MIGA1: variants seen among roughly 807,000 people sequenced by gnomAD.
MIGA1 encodes family with sequence similarity 73, member A.
A neutral mutation model predicts 82.0 loss-of-function variants in MIGA1; 58 were observed. The ratio of observed to expected loss-of-function variants is 0.71; its 90% CI spans 0.57 to 0.88. The LOEUF (loss-of-function observed/expected upper bound fraction) is 0.88. MIGA1 is among the 40% of genes least tolerant of loss of function. MIGA1 has a pLI of 0.00. For synonymous variants in MIGA1, 249 were observed against 253.6 expected (o/e 0.98, Z 0.17); for missense variants, 751 against 749.1 (o/e 1.00, Z -0.03).
intron 8 of MIGA1, among the ~76,000 whole-genome samples, chr1:77,857,142 A>G (rs1183865941): frequency 6.6e-6 from 1 of 152,118 alleles, no homozygotes; most frequent in Non-Finnish European, 1.5e-5. Context: ...CCCAGTGCGC[A>G]TTCAGGAGCA....
chr1:77,806,788 A>G (rs971761105), intron 4 of MIGA1, among the ~76,000 whole-genome samples, 187 bp from the exon 5 acceptor site: 3 of 152,208 alleles, frequency 2.0e-5, no homozygotes, highest in African/African-American at 7.2e-5. Flanking sequence ...TTTTGAGCAA[A>G]CAGGCTTAGA....
intron 2 of MIGA1, among the ~76,000 whole-genome samples, chr1:77,786,361 G>C (rs887778867): frequency 1.3e-5 from 2 of 152,206 alleles, no homozygotes; most frequent in African/African-American, 4.8e-5. Context: ...TTATCTTGGG[G>C]ATTAACATTT....
intron 2 of MIGA1, among the ~76,000 whole-genome samples, chr1:77,785,779 C>A (rs1682132489): frequency 6.6e-6 from 1 of 152,216 alleles, no homozygotes; most frequent in Non-Finnish European, 1.5e-5. Context: ...TACAGCCTCC[C>A]TCCCGGCTGC....
At chr1:77,812,550 A>AT (rs1235116088) in intron 5 of MIGA1, among the ~76,000 whole-genome samples, 2 of 152,196 alleles carry the variant, frequency 1.3e-5, no homozygotes, top group Non-Finnish European at 2.9e-5. Flanking sequence ...GAGGAGAGGT[A>AT]TTTTTTAGCT....
intron 4 of MIGA1, among the ~76,000 whole-genome samples, chr1:77,806,246 T>C (rs1433953100): frequency 6.6e-6 from 1 of 152,196 alleles, no homozygotes; most frequent in African/African-American, 2.4e-5. Flanking sequence ...ATGGTATTTG[T>C]GTATCTAAAC....
chr1:77,838,034 T>TA (rs2101876241), intron 7 of MIGA1, among the ~76,000 whole-genome samples: 3 of 152,358 alleles, frequency 2.0e-5, no homozygotes, highest in African/African-American at 7.2e-5. Context: ...TTCATTGTCT[T>TA]ACCCTCCTTC....
intron 2 of MIGA1, among the ~76,000 whole-genome samples, chr1:77,790,252 C>A (rs945113591): frequency 6.6e-6 from 1 of 152,138 alleles, no homozygotes; most frequent in Non-Finnish European, 1.5e-5. Flanking sequence ...TAAAGATTTA[C>A]CTCTTGCATC....
intron 8 of MIGA1, among the ~76,000 whole-genome samples, chr1:77,852,246 T>G (rs1481770401): frequency 6.6e-6 from 1 of 152,182 alleles, no homozygotes; most frequent in Non-Finnish European, 1.5e-5. Flanking sequence ...AGTACATGTA[T>G]GTGGGTCTTA....
intron 2 of MIGA1, among the ~76,000 whole-genome samples, chr1:77,788,578 T>C (rs1323355125): frequency 1.3e-5 from 2 of 152,348 alleles, no homozygotes; most frequent in South Asian, 2.1e-4. Context: ...AAATCCGATG[T>C]TGTGAAGCTT....
chr1:77,815,318 G>C, intron 7 of MIGA1, 87 bp downstream of exon 7: 1 of 1,000,128 alleles, frequency 1.0e-6, no homozygotes, highest in Non-Finnish European at 1.3e-6. Context: ...TCTGTCTTAT[G>C]TAATAATAGG....
intron 7 of MIGA1, among the ~76,000 whole-genome samples, chr1:77,818,799 G>C (rs1161760745): frequency 3.3e-5 from 5 of 152,106 alleles, no homozygotes; most frequent in Admixed American, 1.3e-4. Flanking sequence ...CAGGGTGTTG[G>C]CTGGGCGTGG....
chr1:77,798,061 A>G (rs1682731846), intron 2 of MIGA1, among the ~76,000 whole-genome samples: 1 of 152,216 alleles, frequency 6.6e-6, no homozygotes, highest in Non-Finnish European at 1.5e-5. Context: ...GATCTTAGCT[A>G]CAGGTTTTTA....
chr1:77,861,366 G>T, intron 12 of MIGA1, 44 bp downstream of exon 12: 1 of 1,286,390 alleles, frequency 7.8e-7, no homozygotes, highest in Non-Finnish European at 1.1e-6. Flanking sequence ...TTAGTTATTT[G>T]CATGTAATTT....
intron 13 of MIGA1, among the ~76,000 whole-genome samples, chr1:77,864,637 C>T (rs535695528): frequency 9.9e-5 from 15 of 152,192 alleles, no homozygotes; most frequent in African/African-American, 3.6e-4. Context: ...GATCGTGCCG[C>T]TGCACTCCAG....
intron 13 of MIGA1, among the ~76,000 whole-genome samples, chr1:77,865,179 G>T: frequency 6.6e-6 from 1 of 150,380 alleles, no homozygotes; most frequent in South Asian, 2.1e-4. Flanking sequence ...CCAAGGGTCA[G>T]ATTTCTTCAG....
chr1:77,872,945 TAG>T, intron 14 of MIGA1, 57 bp from the exon 15 acceptor site: 1 of 1,603,674 alleles, frequency 6.2e-7, no homozygotes. Context: ...GTTTCTGTAC[TAG>T]AGAAAGCAAG....
chr1:77,875,169 T>A lies in MIGA1; in HGVS notation c.*105T>A. 1 of 894,960 alleles carries A rather than the reference T, an allele frequency of 1.1e-6. No homozygotes were observed. The highest frequency in any genetic ancestry group is 1.7e-6 in the Non-Finnish European group (1 of 585,660). 55.4% of individuals were successfully genotyped at this position (894,960 alleles called of 1,614,324 possible). ...GTTAACAGAATTGATGCATGTGGAT[T>A]CAGGGAGGAAAAAAAAATCTACTAA... On this transcript the variant is annotated 3_prime_UTR_variant, in exon 16 of 16. Coordinates refer to ENST00000370791, the MANE Select transcript of MIGA1 (RefSeq NM_198549.4).
intron 7 of MIGA1, among the ~76,000 whole-genome samples, chr1:77,827,792 A>T (rs983818398): frequency 6.6e-6 from 1 of 152,202 alleles, no homozygotes; most frequent in African/African-American, 2.4e-5. Context: ...TACTCTTCCC[A>T]TGGGGAGGAG....
intron 1 of MIGA1, chr1:77,782,801 T>C: frequency 1.1e-6 from 1 of 883,844 alleles, no homozygotes; most frequent in Non-Finnish European, 1.4e-6. Context: ...AGCCCCAAGA[T>C]TCTGTTCCAG....
Sources: allele counts gnomAD v4.1 joint callset (sites outside exome capture counted in the v4.1 genomes callset), GRCh38; gene constraint gnomAD v4.1.1; transcripts MANE v1.5; gene names NCBI Gene and HGNC (gene_info 2026-07-23, HGNC 2026-07-21).